RSU1: variants seen among roughly 807,000 people sequenced by gnomAD.
RSU1 encodes Ras suppressor protein 1, also known as rsu-1.
A neutral mutation model predicts 31.1 loss-of-function variants in RSU1; 26 were observed. The observed-to-expected ratio is 0.84, with a 90% CI of 0.61 to 1.16. The LOEUF is 1.16. Among genes scored for constraint, RSU1 ranks in the 50% most tolerant of loss-of-function variants. The probability of loss-of-function intolerance (pLI) is 0.00; values close to 1 mark genes in which losing one functional copy is unlikely to be tolerated. For synonymous variants in RSU1, 164 were observed against 136.3 expected, an observed-to-expected ratio of 1.20 and a Z score of -1.41; for missense variants, 320 against 339.1, an observed-to-expected ratio of 0.94 and a Z score of 0.44.
chr10:16,612,461 A>G (rs1162719005), intron 8 of RSU1, among the ~76,000 whole-genome samples: 1 of 152,206 alleles, frequency 6.6e-6, no homozygotes, highest in Non-Finnish European at 1.5e-5. Context: ...GGTCCTGAAC[A>G]GGCAGCTCCC....
intron 7 of RSU1, among the ~76,000 whole-genome samples, chr10:16,736,811 A>G (rs530179998): frequency 2.0e-4 from 30 of 152,270 alleles, no homozygotes; most frequent in African/African-American, 7.0e-4. Context: ...CATGAACATA[A>G]TAAGGAAATA....
intron 7 of RSU1, among the ~76,000 whole-genome samples, chr10:16,702,787 T>C (rs1835819657): frequency 6.6e-6 from 1 of 152,148 alleles, no homozygotes; most frequent in Admixed American, 6.5e-5. Context: ...GTTAAGACTT[T>C]GGGGGACAGT....
chr10:16,682,574 G>GCACACACACACACACACACACACACA (rs71200966), intron 8 of RSU1, among the ~76,000 whole-genome samples: 1 of 138,172 alleles, frequency 7.2e-6, no homozygotes, highest in African/African-American at 2.8e-5. Context: ...ACACACACAT[G>GCACACACACACACACACACACACACA]CATGCATGTT....
chr10:16,616,371 CAAAAA>C (rs529296931), intron 8 of RSU1, among the ~76,000 whole-genome samples: 2 of 90,948 alleles, frequency 2.2e-5, no homozygotes, highest in Non-Finnish European at 5.0e-5. Context: ...GCCTACCAAC[CAAAAA>C]AAAAAAAAAA....
intron 7 of RSU1, among the ~76,000 whole-genome samples, chr10:16,716,099 G>C (rs1038886781): frequency 2.0e-5 from 3 of 152,134 alleles, no homozygotes; most frequent in African/African-American, 7.2e-5. Context: ...AATCTCCTTA[G>C]TCGGAATTCT....
At chr10:16,711,291 T>C (rs1354417646) in intron 7 of RSU1, among the ~76,000 whole-genome samples, 2 of 151,724 alleles carry the variant, frequency 1.3e-5, no homozygotes, top group Non-Finnish European at 2.9e-5. Context: ...TTGAGTCTTG[T>C]TTTTTTTAGT....
intron 8 of RSU1, among the ~76,000 whole-genome samples, chr10:16,620,647 C>A (rs1253938436): frequency 6.6e-6 from 1 of 151,778 alleles, no homozygotes; most frequent in African/African-American, 2.4e-5. Flanking sequence ...AGATCAAGAC[C>A]ATCATGGCTA....
chr10:16,761,234 C>T (rs898963159), intron 4 of RSU1, among the ~76,000 whole-genome samples: 4 of 152,246 alleles, frequency 2.6e-5, no homozygotes, highest in Middle Eastern at 3.2e-3. Flanking sequence ...TGAGCCACCA[C>T]GCCCGAGAGG....
intron 8 of RSU1, among the ~76,000 whole-genome samples, chr10:16,677,234 C>G (rs1282899303): frequency 6.6e-6 from 1 of 152,188 alleles, no homozygotes; most frequent in African/African-American, 2.4e-5. Flanking sequence ...GCTTTGTCCT[C>G]AGTTGTTTTA....
At chr10:16,723,844 A>G (rs1001948024) in intron 7 of RSU1, among the ~76,000 whole-genome samples, 1 of 152,190 alleles carries the variant, frequency 6.6e-6, no homozygotes, top group Non-Finnish European at 1.5e-5. Context: ...GCAGAGATAT[A>G]CCAACATGGT....
intron 8 of RSU1, among the ~76,000 whole-genome samples, chr10:16,641,274 T>C (rs7067721): frequency 0.27 from 41,370 of 152,092 alleles, 6,319 homozygotes; most frequent in South Asian, 0.39. Flanking sequence ...TCAAAGCAGA[T>C]TGAAGACTTT....
intron 8 of RSU1, among the ~76,000 whole-genome samples, chr10:16,601,919 A>G (rs976631335): frequency 2.0e-5 from 3 of 152,166 alleles, no homozygotes; most frequent in Non-Finnish European, 4.4e-5. Context: ...GTATTCGCTC[A>G]TTATCTCCCT....
At chr10:16,595,951 G>C (rs572862969) in intron 8 of RSU1, among the ~76,000 whole-genome samples, 2 of 152,038 alleles carry the variant, frequency 1.3e-5, no homozygotes, top group African/African-American at 4.8e-5. Flanking sequence ...CCTGGCAACA[G>C]AGTGAGACTC....
At chr10:16,759,343 A>T (rs756907954) in intron 4 of RSU1, among the ~76,000 whole-genome samples, 4 of 152,036 alleles carry the variant, frequency 2.6e-5, no homozygotes, top group Non-Finnish European at 5.9e-5. Context: ...ATACCAAAAA[A>T]AAAACCTACA....
At chr10:16,675,219 A>G (rs1332276244) in intron 8 of RSU1, among the ~76,000 whole-genome samples, 1 of 147,670 alleles carries the variant, frequency 6.8e-6, no homozygotes, top group Admixed American at 6.8e-5. Flanking sequence ...AAAAAAAAAG[A>G]AAGAAAAAAA....
At chr10:16,690,642 A>G (rs1835529386) in intron 8 of RSU1, among the ~76,000 whole-genome samples, 1 of 152,194 alleles carries the variant, frequency 6.6e-6, no homozygotes, top group Admixed American at 6.5e-5. Flanking sequence ...CTTGGAGTCC[A>G]TTAGAGCCTA....
chr10:16,648,926 G>A (rs1264586094), intron 8 of RSU1, among the ~76,000 whole-genome samples: 3 of 152,052 alleles, frequency 2.0e-5, no homozygotes, highest in African/African-American at 4.8e-5. Flanking sequence ...GATGACTTTA[G>A]GATTTCATTT....
intron 8 of RSU1, among the ~76,000 whole-genome samples, chr10:16,673,763 A>G (rs61842277): frequency 0.033 from 5,069 of 152,250 alleles, 138 homozygotes; most frequent in East Asian, 0.13. Flanking sequence ...AGACTGCGTG[A>G]TGACTGAGGG....
chr10:16,708,176 C>A (rs1475011562), intron 7 of RSU1, among the ~76,000 whole-genome samples: 1 of 152,096 alleles, frequency 6.6e-6, no homozygotes, highest in East Asian at 1.9e-4. Context: ...CTATTAATAG[C>A]CTACTATTGA....
Sources: allele counts gnomAD v4.1 joint callset (sites outside exome capture counted in the v4.1 genomes callset), GRCh38; gene constraint gnomAD v4.1.1; transcripts MANE v1.5; gene names NCBI Gene and HGNC (gene_info 2026-07-23, HGNC 2026-07-21).